The following GTF2H5 variants were observed in gnomAD, a reference collection of about 807,000 sequenced individuals.
GTF2H5 encodes TFB5 ortholog.
Under a neutral mutation model 7.1 loss-of-function variants are expected in GTF2H5, and 5 were observed. The ratio of observed to expected loss-of-function variants is 0.71; its 90% confidence interval spans 0.37 to 1.49. The LOEUF is 1.49. Ranked by LOEUF, GTF2H5 falls within the 40% of genes most tolerant of loss-of-function variation. GTF2H5 has a pLI of 0.03. For synonymous variants in GTF2H5, 30 were observed against 31.7 expected (o/e 0.95, Z 0.18); for missense variants, 80 against 83.0 (o/e 0.96, Z 0.14).
rs570820317 is a variant in GTF2H5 at position 158,173,866 on chromosome 6, AC to A, written c.35+3329del. Among the ~76,000 whole-genome samples, 257 of 152,304 alleles carry A rather than the reference AC, an allele frequency of 1.7e-3. 1 individual carries two copies. Among genetic ancestry groups the A allele is most frequent in the African/African-American group, 5.9e-3 (246 of 41,554 alleles). On this transcript the variant is annotated intron_variant, in intron 2 of 2. Transcript: ENST00000607778. ...TGGCCATTTCTTGAGTATATGTTAA[AC>A]AAGGGGTGGATTATTCGTGAGTTTT...
Position 158,191,864 on chromosome 6 carries a change from A to G in GTF2H5, c.36-113A>G, listed in dbSNP as rs1583639237. 11 of 818,718 alleles carry G rather than the reference A, an allele frequency of 1.3e-5. No homozygotes were observed. In the East Asian group the frequency reaches 2.9e-4, roughly 21 times the overall value. 50.7% of individuals were successfully genotyped at this position (818,718 alleles called of 1,614,324 possible). ...CAGAGAGGAAGTGAGGGATTGAGTA[A>G]CAGAACTTTAAAAATCATTCTAAAA... On this transcript the variant is annotated intron_variant, in intron 2 of 2. Transcript: ENST00000607778.
intron 1 of GTF2H5, among the ~76,000 whole-genome samples, chr6:158,169,454 T>C (rs1272297962): frequency 1.5e-5 from 1 of 66,094 alleles, no homozygotes; most frequent in East Asian, 5.9e-4. Context: ...TATTATATAT[T>C]ATATATATTA....
chr6:158,174,232 T>A (rs1322257461), intron 2 of GTF2H5, among the ~76,000 whole-genome samples: 1 of 152,182 alleles, frequency 6.6e-6, no homozygotes, highest in Non-Finnish European at 1.5e-5. Context: ...GTCCCATCAT[T>A]GTATTAATAG....
At position 158,196,425 on chromosome 6, in the gene GTF2H5, C is replaced by T. The variant is rs769802330; in HGVS notation, c.*4268C>T. 1 of 152,066 alleles carries T rather than the reference C, an allele frequency of 6.6e-6. No homozygotes were observed. The highest frequency in any genetic ancestry group is 1.5e-5 in the Non-Finnish European group (1 of 68,018). 9.4% of individuals were successfully genotyped at this position (152,066 alleles called of 1,614,324 possible). On this transcript the variant is annotated 3_prime_UTR_variant, in exon 3 of 3. Transcript: ENST00000607778. Reference sequence around the variant, plus strand: ...TGCTCATTTGTGTAAACAGGAATGCCCGTCTTTAAAGACTATTAAAATGAA... The same window carrying T: ...TGCTCATTTGTGTAAACAGGAATGCTCGTCTTTAAAGACTATTAAAATGAA...
rs113171535 is a variant in GTF2H5, at chr6:158,170,720, T to C, written c.35+182T>C. The stretch of plus-strand genomic sequence containing the variant: ...GCCAGATTTCAGTCCCTCTGTTGAA[T>C]TGATGGAACTGGCATGATCAGAGGC... On this transcript the variant is annotated intron_variant, in intron 2 of 2. Coordinates refer to ENST00000607778, the MANE Select transcript of GTF2H5 (RefSeq NM_207118.3). Among the ~76,000 whole-genome samples, 262 of 152,302 alleles carry C rather than the reference T, an allele frequency of 1.7e-3. 1 individual carries two copies. The highest frequency in any genetic ancestry group is 6.0e-3 in the African/African-American group (250 of 41,566).
chr6:158,190,800 C>T (rs1361705331), intron 2 of GTF2H5: 1 of 380,762 alleles, frequency 2.6e-6, no homozygotes, highest in Non-Finnish European at 5.2e-6. Flanking sequence ...TCAAGAATTG[C>T]AAAAATCTGT....
chr6:158,170,352 A>G (rs947127788), intron 1 of GTF2H5, 118 bp from the exon 2 acceptor site: 1 of 662,564 alleles, frequency 1.5e-6, no homozygotes, highest in Admixed American at 2.5e-5. Flanking sequence ...ACTGTCTTTC[A>G]TAGACTTAAC....
chr6:158,181,033 A>G (rs1786003286), intron 2 of GTF2H5, among the ~76,000 whole-genome samples: 2 of 151,816 alleles, frequency 1.3e-5, no homozygotes, highest in Admixed American at 1.3e-4. Flanking sequence ...CCCTCTACAC[A>G]CTGCTTTAAA....
At chr6:158,173,555 A>T (rs926685270) in intron 2 of GTF2H5, among the ~76,000 whole-genome samples, 5 of 152,188 alleles carry the variant, frequency 3.3e-5, no homozygotes, top group African/African-American at 1.2e-4. Flanking sequence ...CATGGATTGT[A>T]TGAAGCATTT....
intron 2 of GTF2H5, among the ~76,000 whole-genome samples, chr6:158,191,255 T>C (rs1457465764): frequency 6.6e-6 from 1 of 152,190 alleles, no homozygotes; most frequent in Non-Finnish European, 1.5e-5. Context: ...GTTTAACTGG[T>C]TTTGTAAGTT....
chr6:158,189,421 A>C (rs1345890258), intron 2 of GTF2H5, among the ~76,000 whole-genome samples: 2 of 152,130 alleles, frequency 1.3e-5, no homozygotes, highest in African/African-American at 4.8e-5. Context: ...CCGTGTGGGT[A>C]GTCCTTTAGA....
chr6:158,190,284 C>T (rs1777005054), intron 2 of GTF2H5, among the ~76,000 whole-genome samples: 1 of 152,158 alleles, frequency 6.6e-6, no homozygotes, highest in African/African-American at 2.4e-5. Context: ...TCCATTTGCT[C>T]AGATGAAAAA....
At chr6:158,169,772 A>AGTATATTATATATT (rs1187068824) in intron 1 of GTF2H5, among the ~76,000 whole-genome samples, 1 of 53,954 alleles carries the variant, frequency 1.9e-5, no homozygotes, top group Non-Finnish European at 3.1e-5. Context: ...TATTATATAT[A>AGTATATTATATATT]ATATATTGTA....
In GTF2H5 at chr6:158,169,798, A is replaced by ATTATATG. The variant is rs1562469609; in HGVS notation, c.-34-670_-34-669insATATGTT. Reference sequence around the variant, plus strand: ...ATATATTGTATATTATATATTATATATTGTATATTATATATTATATATAAA... The same window carrying ATTATATG: ...ATATATTGTATATTATATATTATATATTATATGTTGTATATTATATATTATATATAAA... On this transcript the variant is annotated intron_variant, in intron 1 of 2. Coordinates refer to ENST00000607778, the MANE Select transcript of GTF2H5 (RefSeq NM_207118.3). 7.5e-5 allele frequency among the ~76,000 whole-genome samples: 8 copies of ATTATATG among 106,246 alleles called. 1 individual carries two copies. The highest frequency in any genetic ancestry group is 3.0e-4 in the African/African-American group (8 of 26,932). 69.7% of individuals were successfully genotyped at this position (106,246 alleles called of 152,430 possible).
rs749820176 is a variant in GTF2H5 at position 158,170,469 on chromosome 6, G to T, written c.-34-1G>T. 6.4e-7 allele frequency: 1 copy of T among 1,556,364 alleles called. No individual in the cohort carries two copies. The highest frequency in any genetic ancestry group is 1.4e-5 in the African/African-American group (1 of 73,800). Reference sequence around the variant, plus strand: ...TAATGTTACCTTACTCTTTTTATTAGCATTCTTCAGGTCATCTGAACCTTC... The same window carrying T: ...TAATGTTACCTTACTCTTTTTATTATCATTCTTCAGGTCATCTGAACCTTC... On this transcript the variant is annotated splice_acceptor_variant, in intron 1 of 2. Coordinates refer to ENST00000607778, the MANE Select transcript of GTF2H5 (RefSeq NM_207118.3). LOFTEE classifies it low-confidence loss of function (5UTR_SPLICE).
Position 158,192,201 on chromosome 6 carries a change from T to G in GTF2H5, c.*44T>G. 6.1e-6 allele frequency: 9 copies of G among 1,466,392 alleles called. No homozygotes were observed. The highest frequency in any genetic ancestry group is 7.6e-6 in the Non-Finnish European group (8 of 1,048,502). 90.8% of individuals were successfully genotyped at this position (1,466,392 alleles called of 1,614,324 possible). A position where few individuals can be genotyped will look rare whatever the true frequency, so the allele number is the denominator to read the frequency against. On this transcript the variant is annotated 3_prime_UTR_variant, in exon 3 of 3. Coordinates refer to ENST00000607778, the MANE Select transcript of GTF2H5 (RefSeq NM_207118.3). ...ATTTAGGAATTATAAGCAGCAACTG[T>G]GAAAGACTTGCCACTCAATATCTTA...
intron 2 of GTF2H5, among the ~76,000 whole-genome samples, chr6:158,180,022 G>A (rs1457630412): frequency 4.6e-5 from 7 of 152,068 alleles, no homozygotes; most frequent in Non-Finnish European, 1.0e-4. Flanking sequence ...ACATTCCATC[G>A]ATACGTAGTT....
intron 2 of GTF2H5, among the ~76,000 whole-genome samples, chr6:158,173,783 T>C (rs1448333085): frequency 7.4e-6 from 1 of 134,752 alleles, no homozygotes; most frequent in Non-Finnish European, 1.6e-5. Flanking sequence ...GGCTACCCCA[T>C]AGGCAGAGTG....
chr6:158,192,270 G>A lies in GTF2H5; in HGVS notation c.*113G>A, dbSNP rs1777041211. 2 of 776,836 alleles carry A rather than the reference G, an allele frequency of 2.6e-6. No individual in the cohort carries two copies. The highest frequency in any genetic ancestry group is 2.6e-5 in the East Asian group (1 of 38,116). The allele number at this position is 776,836 out of a possible 1,614,324, so 48.1% of individuals were successfully genotyped here. Reference sequence around the variant, plus strand: ...GAGGGTTGTTTTAGGAGCATGCCACGGGAAAGACTGAGGGATCATGATCAT... The same window carrying A: ...GAGGGTTGTTTTAGGAGCATGCCACAGGAAAGACTGAGGGATCATGATCAT... On this transcript the variant is annotated 3_prime_UTR_variant, in exon 3 of 3. Transcript: ENST00000607778.
Sources: gnomAD v4.1 joint callset for allele counts (sites outside exome capture counted in the v4.1 genomes callset) on GRCh38, gnomAD v4.1.1 for gene constraint, MANE v1.5 for transcripts, NCBI Gene and HGNC (gene_info 2026-07-23, HGNC 2026-07-21) for gene names.